ZNF385B: variants seen among roughly 807,000 people sequenced by gnomAD.
ZNF385B encodes the protein zinc finger protein 385B.
Under a neutral mutation model 39.2 loss-of-function variants are expected in ZNF385B, and 23 were observed. The ratio of observed to expected loss-of-function variants is 0.59; its 90% CI spans 0.42 to 0.83. The LOEUF (loss-of-function observed/expected upper bound fraction) is 0.83. Ranked by LOEUF, ZNF385B falls within the 40% of genes least tolerant of loss-of-function variation. The pLI is 0.00. For missense variants in ZNF385B, 552 were observed against 598.9 expected (o/e 0.92, Z 0.82); for synonymous variants, 205 against 222.6 (o/e 0.92, Z 0.70).
At chr2:179,693,901 A>G (rs1698532691) in intron 3 of ZNF385B, among the ~76,000 whole-genome samples, 1 of 152,214 alleles carries the variant, frequency 6.6e-6, no homozygotes, top group African/African-American at 2.4e-5. Flanking sequence ...TCTAGACTAA[A>G]TCCTTAAATA....
intron 6 of ZNF385B, among the ~76,000 whole-genome samples, chr2:179,478,080 CA>C (rs1192161884): frequency 6.6e-6 from 1 of 152,148 alleles, no homozygotes; most frequent in Non-Finnish European, 1.5e-5. Flanking sequence ...AAGCGTGAAA[CA>C]AGAAACCCCA....
Position 179,670,291 on chromosome 2 carries a change from CA to C in ZNF385B, c.298+99211del, listed in dbSNP as rs35600247. On this transcript the variant is annotated intron_variant, in intron 3 of 9. Coordinates refer to ENST00000410066, the MANE Select transcript of ZNF385B (RefSeq NM_152520.6). ...TGGGCCACAGAGCGAGACTCCGTCTCAAAAAAAAAAAAAAAAAAAATCATGG... is the reference window on the plus strand; with the variant it reads ...TGGGCCACAGAGCGAGACTCCGTCTCAAAAAAAAAAAAAAAAAAATCATGG... Among the ~76,000 whole-genome samples, 833 of 100,562 alleles carry C rather than the reference CA, an allele frequency of 8.3e-3. 3 individuals are homozygous for C. The highest frequency in any genetic ancestry group is 0.012 in the Non-Finnish European group (589 of 50,986). The allele number at this position is 100,562 out of a possible 152,430, so 66.0% of individuals were successfully genotyped here.
chr2:179,825,720 T>C (rs566595740), intron 1 of ZNF385B, among the ~76,000 whole-genome samples: 61 of 152,300 alleles, frequency 4.0e-4, no homozygotes, highest in African/African-American at 1.4e-3. Flanking sequence ...CCTTTCTGCC[T>C]CTTGGAGTTT....
intron 6 of ZNF385B, among the ~76,000 whole-genome samples, chr2:179,462,747 C>A (rs999010573): frequency 1.3e-5 from 2 of 152,076 alleles, no homozygotes; most frequent in Admixed American, 1.3e-4. Context: ...TGGGACTACA[C>A]CTATCTAAAG....
intron 1 of ZNF385B, among the ~76,000 whole-genome samples, chr2:179,789,761 A>G (rs371667573): frequency 3.9e-5 from 6 of 152,178 alleles, no homozygotes; most frequent in African/African-American, 1.2e-4. Flanking sequence ...CTAAAATACT[A>G]AACTATTTGT....
rs1218202169 is a variant in ZNF385B at position 179,576,038 on chromosome 2, G to C, written c.299-31069C>G. 3 of 617,200 alleles carry C rather than the reference G, an allele frequency of 4.9e-6. No individual in the cohort carries two copies. In the African/African-American group the frequency reaches 6.0e-5, roughly 12 times the overall value. The allele number at this position is 617,200 out of a possible 1,614,324, so 38.2% of individuals were successfully genotyped here. On this transcript the variant is annotated intron_variant, in intron 3 of 9. Transcript: ENST00000410066. ...TCCTCTCCTTGTATTCTTTAAGTTA[G>C]ACGATGGCAACTCTGGCACAACACT...
At chr2:179,633,862 A>G (rs932218490) in intron 3 of ZNF385B, among the ~76,000 whole-genome samples, 2 of 152,240 alleles carry the variant, frequency 1.3e-5, no homozygotes, top group African/African-American at 4.8e-5. Context: ...AAACAGAGAT[A>G]TAGACCAATG....
intron 5 of ZNF385B, among the ~76,000 whole-genome samples, chr2:179,496,357 G>A (rs1049418190): frequency 7.9e-5 from 12 of 152,154 alleles, no homozygotes; most frequent in Admixed American, 2.0e-4. Context: ...ACATAGCCTC[G>A]AAAGGGCAAA....
At chr2:179,467,419 A>G (rs888482982) in intron 6 of ZNF385B, among the ~76,000 whole-genome samples, 5 of 152,240 alleles carry the variant, frequency 3.3e-5, no homozygotes, top group African/African-American at 1.2e-4. Flanking sequence ...GGAAACAGAA[A>G]ACATTTTCTA....
intron 3 of ZNF385B, among the ~76,000 whole-genome samples, chr2:179,746,385 C>T (rs1011346274): frequency 6.6e-6 from 1 of 152,096 alleles, no homozygotes; most frequent in Non-Finnish European, 1.5e-5. Flanking sequence ...GAGACTATGA[C>T]AATTATAACA....
chr2:179,732,697 C>A (rs1391559295), intron 3 of ZNF385B, among the ~76,000 whole-genome samples: 3 of 152,136 alleles, frequency 2.0e-5, no homozygotes, highest in Non-Finnish European at 4.4e-5. Context: ...CAAGAGAATT[C>A]ATCATAAAAT....
intron 3 of ZNF385B, among the ~76,000 whole-genome samples, chr2:179,628,868 T>C (rs1013737503): frequency 2.0e-5 from 3 of 152,236 alleles, no homozygotes; most frequent in Admixed American, 2.0e-4. Context: ...AAATGTTTTC[T>C]TTCCCTTTAC....
intron 3 of ZNF385B, among the ~76,000 whole-genome samples, chr2:179,760,733 G>A (rs62180381): frequency 0.052 from 7,962 of 152,212 alleles, 273 homozygotes; most frequent in Middle Eastern, 0.099. Context: ...CTTATGAGAT[G>A]AGGAGAAAGG....
rs191362194 is a variant in ZNF385B, at chr2:179,517,242, T to C, written c.552+1286A>G. Among the ~76,000 whole-genome samples the C allele has an allele frequency of 2.1e-3, 324 of 152,064 alleles. 2 individuals carry two copies. Among genetic ancestry groups the C allele is most frequent in the African/African-American group, 7.4e-3 (307 of 41,576 alleles). ...TATTCTAGGGCTTTTCTTTTCTATG[T>C]ATATTTAAGAAACAGCTTGCCATTT... On this transcript the variant is annotated intron_variant, in intron 5 of 9. Transcript: ENST00000410066.
chr2:179,528,158 AGAC>A (rs1338310684), intron 4 of ZNF385B, among the ~76,000 whole-genome samples: 3 of 152,248 alleles, frequency 2.0e-5, no homozygotes, highest in Admixed American at 2.0e-4. Flanking sequence ...TAAAACCTGT[AGAC>A]TAAGAGACAC....
intron 6 of ZNF385B, among the ~76,000 whole-genome samples, chr2:179,470,769 G>A (rs951058374): frequency 6.6e-6 from 1 of 152,140 alleles, no homozygotes; most frequent in Non-Finnish European, 1.5e-5. Flanking sequence ...CATAAAAAAG[G>A]TACCCTAGAA....
chr2:179,789,799 T>G (rs904756198), intron 1 of ZNF385B, among the ~76,000 whole-genome samples: 1 of 152,208 alleles, frequency 6.6e-6, no homozygotes. Flanking sequence ...TTAAAAGGAC[T>G]CGTGCCAAAC....
At chr2:179,464,606 A>G (rs2051772591) in intron 6 of ZNF385B, among the ~76,000 whole-genome samples, 1 of 152,172 alleles carries the variant, frequency 6.6e-6, no homozygotes, top group African/African-American at 2.4e-5. Context: ...TAAGTAGGGA[A>G]TCTTTTCCCC....
intron 3 of ZNF385B, among the ~76,000 whole-genome samples, chr2:179,666,110 A>G (rs550159759): frequency 7.2e-5 from 11 of 152,356 alleles, no homozygotes; most frequent in African/African-American, 2.6e-4. Context: ...AGATACATCT[A>G]ATGTTGGGAG....
Sources: gnomAD v4.1 joint callset for allele counts (sites outside exome capture counted in the v4.1 genomes callset) on GRCh38, gnomAD v4.1.1 for gene constraint, MANE v1.5 for transcripts, NCBI Gene and HGNC (gene_info 2026-07-23, HGNC 2026-07-21) for gene names.